The following ASTN2 variants were observed in gnomAD, a reference collection of about 807,000 sequenced individuals.
The protein encoded by ASTN2 is astrotactin 2.
In ASTN2, 54 loss-of-function variants were observed where a neutral mutation model predicts 139.8. The ratio of observed to expected loss-of-function variants is 0.39; its 90% confidence interval spans 0.31 to 0.48. ASTN2 has a LOEUF of 0.48. Ranked by LOEUF, ASTN2 falls within the 20% of genes least tolerant of loss-of-function variation. ASTN2 has a pLI of 0.95. For synonymous variants in ASTN2, 756 were observed against 719.5 expected (o/e 1.05, Z -0.81); for missense variants, 1,565 against 1,725.1 (o/e 0.91, Z 1.64).
intron 6 of ASTN2, among the ~76,000 whole-genome samples, chr9:117,023,663 TAAGAAAC>T (rs1392709996): frequency 2.0e-5 from 3 of 152,012 alleles, no homozygotes; most frequent in Admixed American, 1.3e-4. Context: ...CCATGACACA[TAAGAAAC>T]AGGAAATAAA....
chr9:116,638,560 C>G (rs1588125666), intron 17 of ASTN2, among the ~76,000 whole-genome samples: 1 of 150,652 alleles, frequency 6.6e-6, no homozygotes, highest in Non-Finnish European at 1.5e-5. Flanking sequence ...CAAGCCCGAT[C>G]AAGCCTCTAG....
At chr9:116,980,950 A>G (rs1400021449) in intron 7 of ASTN2, among the ~76,000 whole-genome samples, 1 of 152,132 alleles carries the variant, frequency 6.6e-6, no homozygotes, top group African/African-American at 2.4e-5. Context: ...GCATGTAACC[A>G]TGCTGACTGT....
intron 6 of ASTN2, among the ~76,000 whole-genome samples, chr9:117,033,939 C>T (rs1588497975): frequency 1.3e-5 from 2 of 152,284 alleles, no homozygotes; most frequent in South Asian, 2.1e-4. Context: ...AGTAGGTTCC[C>T]TTCCTGTCTA....
intron 1 of ASTN2, among the ~76,000 whole-genome samples, chr9:117,319,770 T>G (rs1828269649): frequency 6.6e-6 from 1 of 152,070 alleles, no homozygotes; most frequent in African/African-American, 2.4e-5. Context: ...ATGAGGTATT[T>G]GAGTTTCCTC....
intron 16 of ASTN2, 146 bp from the exon 17 acceptor site, chr9:116,651,939 C>T: frequency 1.0e-6 from 1 of 994,562 alleles, no homozygotes; most frequent in Non-Finnish European, 1.4e-6. Context: ...TTCATGATGC[C>T]TTGGAAAGAC....
At chr9:116,958,786 T>C (rs1397517495) in intron 10 of ASTN2, among the ~76,000 whole-genome samples, 3 of 151,950 alleles carry the variant, frequency 2.0e-5, no homozygotes, top group Non-Finnish European at 4.4e-5. Flanking sequence ...AAGCCGGGTC[T>C]AGCTGGCCAG....
At chr9:117,257,909 AG>A (rs1376247874) in intron 2 of ASTN2, among the ~76,000 whole-genome samples, 2 of 152,206 alleles carry the variant, frequency 1.3e-5, no homozygotes, top group African/African-American at 2.4e-5. Context: ...CCACCTATAC[AG>A]TGGGGATACT....
chr9:116,947,314 C>T (rs1014417069), intron 10 of ASTN2, among the ~76,000 whole-genome samples: 1 of 152,132 alleles, frequency 6.6e-6, no homozygotes, highest in Non-Finnish European at 1.5e-5. Context: ...TGAATGTGAA[C>T]GTCTCACAGA....
chr9:116,504,161 T>C (rs796886822), intron 19 of ASTN2: 3 of 152,320 alleles, frequency 2.0e-5, no homozygotes, highest in African/African-American at 7.2e-5. Context: ...ATCATCTCTT[T>C]CTTAAGATAC....
chr9:116,909,920 T>C (rs935351144), intron 10 of ASTN2, among the ~76,000 whole-genome samples: 3 of 152,118 alleles, frequency 2.0e-5, no homozygotes, highest in African/African-American at 7.2e-5. Context: ...TTTTATAATA[T>C]TCCTGGGAGA....
chr9:117,140,615 AAG>A (rs1830051747), intron 4 of ASTN2, among the ~76,000 whole-genome samples: 3 of 151,026 alleles, frequency 2.0e-5, no homozygotes, highest in Admixed American at 6.6e-5. Flanking sequence ...TAGAAGGAGA[AAG>A]AGGAGGAGGA....
intron 16 of ASTN2, among the ~76,000 whole-genome samples, chr9:116,701,737 C>A (rs1861177880): frequency 1.3e-5 from 2 of 152,168 alleles, no homozygotes; most frequent in African/African-American, 4.8e-5. Flanking sequence ...GAAGTGTGAT[C>A]TGAGTCTTTT....
At chr9:116,563,299 C>T (rs1285779921) in intron 19 of ASTN2, among the ~76,000 whole-genome samples, 3 of 151,218 alleles carry the variant, frequency 2.0e-5, no homozygotes, top group South Asian at 2.1e-4. Context: ...GGTGTGAACC[C>T]GGGAGGCAGA....
chr9:116,443,640 T>G (rs1847903043), intron 20 of ASTN2, among the ~76,000 whole-genome samples: 1 of 152,158 alleles, frequency 6.6e-6, no homozygotes, highest in African/African-American at 2.4e-5. Flanking sequence ...AGTTCTACAG[T>G]TAAGCAAAGT....
At chr9:116,813,849 A>G (rs1831231782) in intron 12 of ASTN2, among the ~76,000 whole-genome samples, 1 of 152,092 alleles carries the variant, frequency 6.6e-6, no homozygotes, top group South Asian at 2.1e-4. Context: ...AGCCTGGTCA[A>G]CATGGCGAAA....
intron 20 of ASTN2, among the ~76,000 whole-genome samples, chr9:116,461,607 GA>G (rs1710211802): frequency 6.6e-6 from 1 of 151,856 alleles, no homozygotes; most frequent in South Asian, 2.1e-4. Flanking sequence ...TCCATCCAGT[GA>G]ACTGTGGGTT....
chr9:116,767,402 G>C (rs769925233), intron 13 of ASTN2, among the ~76,000 whole-genome samples: 1 of 152,194 alleles, frequency 6.6e-6, no homozygotes, highest in African/African-American at 2.4e-5. Flanking sequence ...CCAGAGACAG[G>C]CTTGGCGGAT....
intron 4 of ASTN2, among the ~76,000 whole-genome samples, chr9:117,116,273 A>G (rs1298522958): frequency 2.6e-5 from 4 of 152,194 alleles, no homozygotes; most frequent in African/African-American, 4.8e-5. Context: ...AGATGATCAC[A>G]CACAAGTGAA....
At chr9:117,057,229 T>C (rs1839088864) in intron 5 of ASTN2, among the ~76,000 whole-genome samples, 1 of 152,152 alleles carries the variant, frequency 6.6e-6, no homozygotes, top group Admixed American at 6.5e-5. Flanking sequence ...CAATGATACA[T>C]CTAAGTTATA....
Sources: allele counts gnomAD v4.1 joint callset (sites outside exome capture counted in the v4.1 genomes callset), GRCh38; gene constraint gnomAD v4.1.1; transcripts MANE v1.5; gene names NCBI Gene and HGNC (gene_info 2026-07-23, HGNC 2026-07-21).